MAPK8: variants seen among roughly 807,000 people sequenced by gnomAD.
MAPK8 encodes JUN N-terminal kinase.
In MAPK8, 13 loss-of-function variants were observed where a neutral mutation model predicts 52.9. That is an observed-to-expected ratio of 0.25 (90% CI 0.16 to 0.39). The LOEUF is 0.39. Ranked by LOEUF, MAPK8 falls within the 10% of genes least tolerant of loss-of-function variation. The pLI is 1.00. For synonymous variants in MAPK8, 191 were observed against 169.8 expected (o/e 1.12, Z -0.97); for missense variants, 300 against 519.2 (o/e 0.58, Z 4.10).
At chr10:48,410,214 G>C in intron 5 of MAPK8, 46 bp downstream of exon 5, 1 of 1,434,604 alleles carries the variant, frequency 7.0e-7, no homozygotes, top group Non-Finnish European at 9.2e-7. Context: ...TCTCATTGAG[G>C]TGAAATTCAT....
At chr10:48,342,441 A>T (rs1231393803) in intron 1 of MAPK8, among the ~76,000 whole-genome samples, 1 of 152,208 alleles carries the variant, frequency 6.6e-6, no homozygotes, top group Non-Finnish European at 1.5e-5. Context: ...TTTTACAATA[A>T]AATTCAGATT....
intron 8 of MAPK8, 27 bp downstream of exon 8, chr10:48,426,097 A>AT (rs772345859): frequency 6.3e-7 from 1 of 1,582,434 alleles, no homozygotes; most frequent in African/African-American, 1.3e-5. Context: ...TGTACATTTA[A>AT]TCCCATTTGG....
chr10:48,398,741 G>C (rs2042013362), intron 1 of MAPK8, among the ~76,000 whole-genome samples: 1 of 152,104 alleles, frequency 6.6e-6, no homozygotes, highest in Non-Finnish European at 1.5e-5. Context: ...AAAATCATTA[G>C]AACAAATGAA....
chr10:48,430,960 A>G, intron 10 of MAPK8: 1 of 535,744 alleles, frequency 1.9e-6, no homozygotes, highest in East Asian at 3.4e-5. Flanking sequence ...CTTCAGAAAC[A>G]GTGAATTACA....
intron 1 of MAPK8, among the ~76,000 whole-genome samples, chr10:48,396,339 G>A (rs2041886038): frequency 6.6e-6 from 1 of 152,134 alleles, no homozygotes; most frequent in South Asian, 2.1e-4. Context: ...AGAAGCACAT[G>A]AAAAGATGCT....
chr10:48,324,209 G>A (rs567402650), intron 1 of MAPK8, among the ~76,000 whole-genome samples: 27 of 152,264 alleles, frequency 1.8e-4, no homozygotes, highest in African/African-American at 6.5e-4. Flanking sequence ...TCATATTCAA[G>A]TTTTGCTAAT....
At chr10:48,347,351 T>C (rs1254595486) in intron 1 of MAPK8, among the ~76,000 whole-genome samples, 1 of 152,180 alleles carries the variant, frequency 6.6e-6, no homozygotes, top group African/African-American at 2.4e-5. Context: ...GAAAAGACAG[T>C]TAATACATGC....
chr10:48,349,497 G>A (rs776288926), intron 1 of MAPK8, among the ~76,000 whole-genome samples: 11 of 152,104 alleles, frequency 7.2e-5, no homozygotes, highest in Admixed American at 3.9e-4. Flanking sequence ...CATGGAAACC[G>A]AACAACTTGC....
rs569298661 is a variant in MAPK8 at position 48,383,023 on chromosome 10, GA to G, written c.-49-18580del. ...TTTCTGGCTATAGACCTCTTTCAAA[GA>G]AAAAAAAATATTTTCAAGTTTCTTA... is the stretch of plus-strand genomic sequence containing the variant. On this transcript the variant is annotated intron_variant, in intron 1 of 11. Transcript: ENST00000374189. Among the ~76,000 whole-genome samples the G allele has an allele frequency of 3.8e-4, 56 of 147,724 alleles. No homozygotes were observed. In the East Asian group the frequency reaches 5.3e-3, roughly 14 times the overall value.
chr10:48,419,803 A>G (rs377240955), intron 5 of MAPK8, among the ~76,000 whole-genome samples: 15 of 152,350 alleles, frequency 9.8e-5, no homozygotes, highest in African/African-American at 3.1e-4. Context: ...TATGCAAATG[A>G]ATATAAATGC....
At chr10:48,433,034 T>A (rs2044474164) in intron 11 of MAPK8, among the ~76,000 whole-genome samples, 1 of 152,202 alleles carries the variant, frequency 6.6e-6, no homozygotes. Flanking sequence ...TGCCTTCCTA[T>A]CTTTGTTTTG....
intron 1 of MAPK8, among the ~76,000 whole-genome samples, chr10:48,322,235 A>G (rs1843067070): frequency 6.6e-6 from 1 of 152,172 alleles, no homozygotes; most frequent in Non-Finnish European, 1.5e-5. Context: ...TTCATCAGAG[A>G]TGAATGTAAC....
chr10:48,361,807 T>C (rs1847555721), intron 1 of MAPK8, among the ~76,000 whole-genome samples: 1 of 152,200 alleles, frequency 6.6e-6, no homozygotes, highest in South Asian at 2.1e-4. Context: ...TTCTTCTTAC[T>C]AATTTGTATG....
intron 1 of MAPK8, among the ~76,000 whole-genome samples, chr10:48,335,839 G>T (rs1274228257): frequency 6.6e-6 from 1 of 152,126 alleles, no homozygotes; most frequent in Non-Finnish European, 1.5e-5. Context: ...CAAGGTAACT[G>T]CAGGGAGAAT....
At chr10:48,404,321 T>C (rs1030773547) in intron 2 of MAPK8, among the ~76,000 whole-genome samples, 1 of 151,866 alleles carries the variant, frequency 6.6e-6, no homozygotes, top group Admixed American at 6.6e-5. Flanking sequence ...CACACCCAGC[T>C]AATTTTTTTG....
chr10:48,307,701 C>T (rs1182091404), intron 1 of MAPK8, among the ~76,000 whole-genome samples: 1 of 152,192 alleles, frequency 6.6e-6, no homozygotes, highest in African/African-American at 2.4e-5. Flanking sequence ...CTATTTTTAC[C>T]TCTGAAATCC....
intron 1 of MAPK8, among the ~76,000 whole-genome samples, chr10:48,338,421 A>G (rs555954786): frequency 1.4e-4 from 22 of 152,268 alleles, no homozygotes; most frequent in Admixed American, 1.2e-3. Flanking sequence ...GCATCAGAGG[A>G]ACATACCTCA....
At chr10:48,345,100 A>C (rs1845645925) in intron 1 of MAPK8, among the ~76,000 whole-genome samples, 1 of 152,246 alleles carries the variant, frequency 6.6e-6, no homozygotes, top group Admixed American at 6.5e-5. Context: ...AGAAAACATT[A>C]AACAGAAAGG....
intron 1 of MAPK8, among the ~76,000 whole-genome samples, chr10:48,338,309 C>G (rs1398399329): frequency 6.6e-6 from 1 of 152,046 alleles, no homozygotes; most frequent in Non-Finnish European, 1.5e-5. Flanking sequence ...ATATACAAAT[C>G]AATAAATGTA....
Sources: allele counts gnomAD v4.1 joint callset (sites outside exome capture counted in the v4.1 genomes callset), GRCh38; gene constraint gnomAD v4.1.1; transcripts MANE v1.5; gene names NCBI Gene and HGNC (gene_info 2026-07-23, HGNC 2026-07-21).